NUP93: variants seen among roughly 807,000 people sequenced by gnomAD.
NUP93 encodes the protein nuclear pore complex protein Nup93.
Under a neutral mutation model 107.8 loss-of-function variants are expected in NUP93, and 55 were observed. The observed-to-expected ratio is 0.51, with a 90% CI of 0.41 to 0.64. The LOEUF is 0.64. Among genes scored for constraint, NUP93 ranks in the 30% least tolerant of loss-of-function variants. The pLI is 0.00. For synonymous variants in NUP93, 390 were observed against 397.5 expected (o/e 0.98, Z 0.22); for missense variants, 937 against 1,044.7 (o/e 0.90, Z 1.42).
Position 56,815,878 on chromosome 16 carries a change from C to CTGCTGG in NUP93, c.490-2781_490-2780insGTGCTG, listed in dbSNP as rs1963412796. Among the ~76,000 whole-genome samples, 4 of 131,798 alleles carry CTGCTGG rather than the reference C, an allele frequency of 3.0e-5. No individual in the cohort carries two copies. The South Asian group carries it at 9.5e-4, about 31-fold the overall frequency. 86.5% of individuals were successfully genotyped at this position (131,798 alleles called of 152,430 possible). ...GCTACTACTGCTACTGCTGCTGCTGCTGCTGCTGCTGCTGCTGCTGGTGCT... is the reference window on the plus strand; with the variant it reads ...GCTACTACTGCTACTGCTGCTGCTGCTGCTGGTGCTGCTGCTGCTGCTGCTGGTGCT... On this transcript the variant is annotated intron_variant, in intron 5 of 21. Transcript: ENST00000308159.
intron 3 of NUP93, among the ~76,000 whole-genome samples, chr16:56,774,182 T>A (rs1186017236): frequency 6.6e-6 from 1 of 152,212 alleles, no homozygotes; most frequent in African/African-American, 2.4e-5. Flanking sequence ...TCCTCTCTGA[T>A]TGCTGTGAGC....
At chr16:56,747,943 C>A (rs1961848874) in intron 1 of NUP93, 1 of 194,322 alleles carries the variant, frequency 5.1e-6, no homozygotes, top group East Asian at 1.1e-4. Context: ...TGGAAGGAGA[C>A]AGGAATTCTG....
chr16:56,823,694 C>G lies in NUP93; in HGVS notation c.655-13C>G, dbSNP rs1425405661. 6.2e-7 allele frequency: 1 copy of G among 1,613,078 alleles called. No homozygotes were observed. The highest frequency in any genetic ancestry group is 2.2e-5 in the East Asian group (1 of 44,888). On this transcript the variant is annotated splice_polypyrimidine_tract_variant and intron_variant, in intron 7 of 21. Coordinates refer to ENST00000308159, the MANE Select transcript of NUP93 (RefSeq NM_014669.5). ...CCTGCAGCATTGTCACATGCAGTTT[C>G]ATTTATGTGCAGAGCATTTCCGACA... is the stretch of plus-strand genomic sequence containing the variant.
At chr16:56,775,224 A>G (rs1343933006) in intron 3 of NUP93, among the ~76,000 whole-genome samples, 1 of 152,190 alleles carries the variant, frequency 6.6e-6, no homozygotes, top group African/African-American at 2.4e-5. Context: ...AGTAATGTGT[A>G]GGTAGCTTCA....
chr16:56,775,712 A>C lies in NUP93; in HGVS notation c.297+17057A>C, dbSNP rs1237257944. 3.9e-5 allele frequency among the ~76,000 whole-genome samples: 6 copies of C among 152,172 alleles called. No homozygotes were observed. In the South Asian group the frequency reaches 8.3e-4, roughly 21 times the overall value. On this transcript the variant is annotated intron_variant, in intron 3 of 21. Coordinates refer to ENST00000308159, the MANE Select transcript of NUP93 (RefSeq NM_014669.5). ...ATTTTAAAATCAGCCTGTTTTTCCC[A>C]AAAAAATGTTAGAATTGCAGATCCT...
intron 3 of NUP93, among the ~76,000 whole-genome samples, chr16:56,763,505 T>G (rs1188075197): frequency 7.9e-6 from 1 of 126,056 alleles, no homozygotes; most frequent in Non-Finnish European, 1.9e-5. Context: ...TGTGGGTGGG[T>G]GTGTGTGTGT....
At chr16:56,818,591 TATG>T (rs1963481459) in intron 5 of NUP93, 70 bp from the exon 6 acceptor site, 2 of 1,171,792 alleles carry the variant, frequency 1.7e-6, no homozygotes, top group Admixed American at 1.8e-5. Context: ...AGAATATGTT[TATG>T]ATGTGATTTG....
intron 1 of NUP93, chr16:56,747,965 G>C (rs1469273958): frequency 8.7e-6 from 2 of 229,018 alleles, no homozygotes; most frequent in Non-Finnish European, 1.7e-5. Flanking sequence ...TCTGTGACTT[G>C]ATATCTGTGC....
intron 1 of NUP93, among the ~76,000 whole-genome samples, chr16:56,731,268 T>A (rs2144422607): frequency 6.6e-6 from 1 of 152,266 alleles, no homozygotes; most frequent in Non-Finnish European, 1.5e-5. Flanking sequence ...AAGAGAGGGC[T>A]AGCAAGCTCC....
chr16:56,839,374 T>G (rs577382183), intron 19 of NUP93, 147 bp from the exon 20 acceptor site: 281 of 560,020 alleles, frequency 5.0e-4, no homozygotes, highest in Non-Finnish European at 7.1e-4. Context: ...GTTAGCTAGT[T>G]AGAATCAAAG....
chr16:56,808,627 T>G (rs1476051736), intron 5 of NUP93, among the ~76,000 whole-genome samples: 1 of 133,096 alleles, frequency 7.5e-6, no homozygotes, highest in Non-Finnish European at 1.5e-5. Context: ...TATAAATATA[T>G]AAATACATTT....
intron 1 of NUP93, among the ~76,000 whole-genome samples, chr16:56,742,776 G>T (rs1301054250): frequency 6.6e-6 from 1 of 152,140 alleles, no homozygotes; most frequent in African/African-American, 2.4e-5. Context: ...AGTATATCCT[G>T]GGAGTAACAT....
At chr16:56,814,142 A>G (rs1312932821) in intron 5 of NUP93, among the ~76,000 whole-genome samples, 1 of 151,972 alleles carries the variant, frequency 6.6e-6, no homozygotes, top group Non-Finnish European at 1.5e-5. Flanking sequence ...TTACTACCCT[A>G]TATTCATTTT....
intron 3 of NUP93, among the ~76,000 whole-genome samples, chr16:56,770,199 A>C (rs756705909): frequency 6.6e-6 from 1 of 152,212 alleles, no homozygotes; most frequent in Non-Finnish European, 1.5e-5. Context: ...GTGAGTATGC[A>C]AGAGTAGGTG....
chr16:56,748,519 G>A, intron 2 of NUP93, 93 bp downstream of exon 2: 1 of 1,093,568 alleles, frequency 9.1e-7, no homozygotes. Context: ...TCCAATCTGT[G>A]AATGACAGCC....
intron 5 of NUP93, among the ~76,000 whole-genome samples, chr16:56,816,935 G>T (rs143743202): frequency 6.6e-6 from 1 of 152,172 alleles, no homozygotes; most frequent in Non-Finnish European, 1.5e-5. Flanking sequence ...CATTTATTCG[G>T]TTGGTGCAAA....
At chr16:56,794,818 C>T (rs1468259850) in intron 3 of NUP93, among the ~76,000 whole-genome samples, 1 of 150,916 alleles carries the variant, frequency 6.6e-6, no homozygotes, top group East Asian at 2.0e-4. Context: ...GTCCCAGCTA[C>T]TCGGGAGGCT....
At chr16:56,789,135 G>T (rs1481827701) in intron 3 of NUP93, among the ~76,000 whole-genome samples, 1 of 152,084 alleles carries the variant, frequency 6.6e-6, no homozygotes, top group East Asian at 1.9e-4. Context: ...AGGCAAAGGT[G>T]CAAATGGAGT....
intron 5 of NUP93, among the ~76,000 whole-genome samples, chr16:56,808,618 AT>A (rs1963231110): frequency 7.5e-6 from 1 of 133,504 alleles, no homozygotes; most frequent in African/African-American, 2.9e-5. Flanking sequence ...ATAAATATTT[AT>A]AAATATATAA....
Sources: gnomAD v4.1 joint callset for allele counts (sites outside exome capture counted in the v4.1 genomes callset) on GRCh38, gnomAD v4.1.1 for gene constraint, MANE v1.5 for transcripts, NCBI Gene and HGNC (gene_info 2026-07-23, HGNC 2026-07-21) for gene names.